KCNB2: variants seen among roughly 807,000 people sequenced by gnomAD.
The protein encoded by KCNB2 is potassium voltage-gated channel subfamily B member 2.
Under a neutral mutation model 61.5 loss-of-function variants are expected in KCNB2, and 15 were observed. The observed-to-expected ratio is 0.24, with a 90% CI of 0.16 to 0.38. KCNB2 has a LOEUF of 0.38. Ranked by LOEUF, KCNB2 falls within the 10% of genes least tolerant of loss-of-function variation. KCNB2 has a pLI of 1.00. For synonymous variants in KCNB2, 457 were observed against 446.0 expected, an observed-to-expected ratio of 1.02 and a Z score of -0.31; for missense variants, 828 against 1,125.2, an observed-to-expected ratio of 0.74 and a Z score of 3.78.
intron 2 of KCNB2, among the ~76,000 whole-genome samples, chr8:72,589,423 T>C (rs1216568469): frequency 6.6e-6 from 1 of 152,194 alleles, no homozygotes. Flanking sequence ...TAGTTCAGTA[T>C]GTGAGTTAGA....
chr8:72,658,117 C>T (rs1210194661), intron 2 of KCNB2, among the ~76,000 whole-genome samples: 1 of 152,046 alleles, frequency 6.6e-6, no homozygotes, highest in Non-Finnish European at 1.5e-5. Context: ...AATGATTAAG[C>T]TTAGTAAGAA....
intron 2 of KCNB2, among the ~76,000 whole-genome samples, chr8:72,798,808 G>A (rs1432153349): frequency 1.3e-5 from 2 of 152,134 alleles, no homozygotes; most frequent in East Asian, 1.9e-4. Flanking sequence ...CGAAAAGCCC[G>A]ATTCCTTTAA....
At chr8:72,553,051 T>C (rs1806369514) in intron 1 of KCNB2, among the ~76,000 whole-genome samples, 1 of 152,016 alleles carries the variant, frequency 6.6e-6, no homozygotes, top group Non-Finnish European at 1.5e-5. Flanking sequence ...TGAGTTCAGA[T>C]CCTTAACAAC....
intron 2 of KCNB2, among the ~76,000 whole-genome samples, chr8:72,811,569 A>G (rs1323411135): frequency 6.6e-6 from 1 of 152,098 alleles, no homozygotes; most frequent in Non-Finnish European, 1.5e-5. Context: ...CTATTAATTG[A>G]TGTCTTACTG....
At chr8:72,600,094 T>C (rs1269892707) in intron 2 of KCNB2, among the ~76,000 whole-genome samples, 2 of 152,180 alleles carry the variant, frequency 1.3e-5, no homozygotes, top group Non-Finnish European at 2.9e-5. Context: ...CATTATGGGG[T>C]ATACACCCAA....
chr8:72,739,560 A>C (rs1481564780), intron 2 of KCNB2, among the ~76,000 whole-genome samples: 1 of 151,944 alleles, frequency 6.6e-6, no homozygotes, highest in East Asian at 1.9e-4. Context: ...GTGGAAGTGC[A>C]TTTCAAGCAG....
chr8:72,847,315 A>T (rs1810012181), intron 2 of KCNB2, among the ~76,000 whole-genome samples: 2 of 152,324 alleles, frequency 1.3e-5, no homozygotes, highest in South Asian at 4.1e-4. Context: ...CAAGCACCCA[A>T]CTGGTGCCCT....
chr8:72,920,451 ATC>A (rs1210150781), intron 2 of KCNB2, among the ~76,000 whole-genome samples: 1 of 50,360 alleles, frequency 2.0e-5, no homozygotes, highest in Non-Finnish European at 4.2e-5. Context: ...ATATCTATCT[ATC>A]TATCTATCTA....
intron 2 of KCNB2, among the ~76,000 whole-genome samples, chr8:72,643,677 C>A (rs970476142): frequency 3.3e-5 from 5 of 152,108 alleles, no homozygotes; most frequent in African/African-American, 1.2e-4. Flanking sequence ...TGAAAATTAT[C>A]TTTAATTCAT....
At chr8:72,892,341 C>T (rs1013076016) in intron 2 of KCNB2, among the ~76,000 whole-genome samples, 7 of 152,078 alleles carry the variant, frequency 4.6e-5, no homozygotes, top group African/African-American at 1.7e-4. Flanking sequence ...TTCCAAGTCA[C>T]GAAATGTGGC....
chr8:72,779,836 A>G (rs1397633263), intron 2 of KCNB2, among the ~76,000 whole-genome samples: 1 of 152,204 alleles, frequency 6.6e-6, no homozygotes, highest in Non-Finnish European at 1.5e-5. Flanking sequence ...TGAGAGCTGT[A>G]TAAAAATGAC....
chr8:72,666,708 A>C (rs765392312), intron 2 of KCNB2, among the ~76,000 whole-genome samples: 4 of 148,406 alleles, frequency 2.7e-5, no homozygotes. Context: ...GCTGGAGTGC[A>C]GTGGCGCAAT....
intron 2 of KCNB2, among the ~76,000 whole-genome samples, chr8:72,849,136 T>C (rs1035135350): frequency 1.6e-5 from 2 of 122,674 alleles, no homozygotes; most frequent in East Asian, 3.9e-4. Flanking sequence ...AAGAGGTTTT[T>C]CCATCATCAG....
At chr8:72,813,734 T>C (rs1426087926) in intron 2 of KCNB2, among the ~76,000 whole-genome samples, 1 of 152,238 alleles carries the variant, frequency 6.6e-6, no homozygotes, top group East Asian at 1.9e-4. Context: ...AATTAAGCAT[T>C]CCCATAGAAA....
At chr8:72,768,692 A>G (rs1370286589) in intron 2 of KCNB2, among the ~76,000 whole-genome samples, 1 of 152,108 alleles carries the variant, frequency 6.6e-6, no homozygotes, top group Non-Finnish European at 1.5e-5. Flanking sequence ...TTTATAGTGT[A>G]TCTCTCACAC....
At chr8:72,712,553 A>C (rs1039557749) in intron 2 of KCNB2, among the ~76,000 whole-genome samples, 2 of 152,226 alleles carry the variant, frequency 1.3e-5, no homozygotes, top group Non-Finnish European at 2.9e-5. Context: ...ATTAAATGCC[A>C]CAGTCAGTGG....
In KCNB2 at chr8:72,711,668, C is replaced by T. The variant is rs554284155; in HGVS notation, c.579+143355C>T. Among the ~76,000 whole-genome samples, 62 of 152,250 alleles carry T rather than the reference C, an allele frequency of 4.1e-4. 1 individual carries two copies. The highest frequency in any genetic ancestry group is 2.9e-3 in the Admixed American group (44 of 15,282). On this transcript the variant is annotated intron_variant, in intron 2 of 2. Coordinates refer to ENST00000523207, the MANE Select transcript of KCNB2 (RefSeq NM_004770.3). ...CACAGCATGTCCAGAGGCCAAACAC[C>T]GGGATCTTGAGGGGACCATTTAAAA...
At chr8:72,853,522 C>A (rs1810155846) in intron 2 of KCNB2, among the ~76,000 whole-genome samples, 1 of 152,208 alleles carries the variant, frequency 6.6e-6, no homozygotes, top group Non-Finnish European at 1.5e-5. Flanking sequence ...GGCTCTGGCT[C>A]TAGGGAACCT....
At chr8:72,725,449 T>C (rs1361667897) in intron 2 of KCNB2, among the ~76,000 whole-genome samples, 1 of 149,554 alleles carries the variant, frequency 6.7e-6, no homozygotes, top group Non-Finnish European at 1.5e-5. Flanking sequence ...CTTCTGCTCG[T>C]GGGAGCATTG....
Sources: gnomAD v4.1 joint callset for allele counts (sites outside exome capture counted in the v4.1 genomes callset) on GRCh38, gnomAD v4.1.1 for gene constraint, MANE v1.5 for transcripts, NCBI Gene and HGNC (gene_info 2026-07-23, HGNC 2026-07-21) for gene names.